Variants in ACYP1 observed in about 807,000 individuals in gnomAD.
ACYP1 encodes acylphosphatase-1.
ACYP1 carries 8 observed loss-of-function variants against 10.4 expected under a neutral mutation model. The ratio of observed to expected loss-of-function variants is 0.77; its 90% CI spans 0.45 to 1.38. ACYP1 has a LOEUF of 1.38. Among genes scored for constraint, ACYP1 ranks in the 40% most tolerant of loss-of-function variants. The pLI is 0.00. For synonymous variants in ACYP1, 38 were observed against 40.8 expected, an observed-to-expected ratio of 0.93 and a Z score of 0.26; for missense variants, 93 against 117.3, an observed-to-expected ratio of 0.79 and a Z score of 0.96.
At chr14:75,060,300 C>T in intron 2 of ACYP1, 1 of 670,130 alleles carries the variant, frequency 1.5e-6, no homozygotes, top group Non-Finnish European at 2.7e-6. Context: ...AATATTACCT[C>T]ATACCCACTA....
In ACYP1 at chr14:75,063,524, C is replaced by A. The variant is rs1222638432; in HGVS notation, c.30G>T (p.Val10=). The A allele has an allele frequency of 6.2e-7, 1 of 1,613,676 alleles. No homozygotes were observed. The highest frequency in any genetic ancestry group is 8.5e-7 in the Non-Finnish European group (1 of 1,179,886). ...GCACCTTCCCAAAAATTTCATAATC[C>A]ACTGATATCAGGGTGTTTCCTTCTG... is the stretch of plus-strand genomic sequence containing the variant. MAEGNTLIS[V]DYEIFGKVQG... The change falls in exon 2 of 3, where the codon GTG becomes GTT. Residue 10 remains valine (V), a synonymous_variant. Transcript: ENST00000238618.
upstream of ACYP1, among the ~76,000 whole-genome samples, chr14:75,067,543 G>T (rs1243380943): frequency 6.6e-6 from 1 of 152,204 alleles, no homozygotes; most frequent in African/African-American, 2.4e-5. Flanking sequence ...CAAATGTGGA[G>T]ATTTCCATTA....
At chr14:75,065,697 A>T (rs1332580062), upstream of ACYP1, among the ~76,000 whole-genome samples, 2 of 152,104 alleles carry the variant, frequency 1.3e-5, no homozygotes, top group African/African-American at 4.8e-5. Context: ...ATTTAATTCC[A>T]TGAAAATCCA....
chr14:75,062,544 G>A (rs961153639), intron 2 of ACYP1, among the ~76,000 whole-genome samples: 3 of 151,634 alleles, frequency 2.0e-5, no homozygotes, highest in African/African-American at 2.4e-5. Flanking sequence ...GGCCGGGTGC[G>A]GTGGCTCACA....
intron 2 of ACYP1, among the ~76,000 whole-genome samples, chr14:75,059,543 A>G (rs1475268380): frequency 2.0e-5 from 3 of 152,252 alleles, no homozygotes; most frequent in Non-Finnish European, 2.9e-5. Flanking sequence ...AAATATTTGT[A>G]TATCATACAT....
At chr14:75,063,906 G>A (rs1187273175) in intron 1 of ACYP1, 48 bp downstream of exon 1, 2 of 1,009,562 alleles carry the variant, frequency 2.0e-6, no homozygotes, top group East Asian at 1.8e-4. Context: ...TAACATTTTA[G>A]GGCTAATCGA....
At chr14:75,062,659 C>CAAAAAAAA (rs534860020) in intron 2 of ACYP1, among the ~76,000 whole-genome samples, 105 of 103,372 alleles carry the variant, frequency 1.0e-3, no homozygotes, top group African/African-American at 2.4e-3. Context: ...ACTAAAAATA[C>CAAAAAAAA]AAAAAAAAAA....
chr14:75,053,675 A>G lies in ACYP1; in HGVS notation c.85-16T>C. 1.2e-6 allele frequency: 2 copies of G among 1,606,502 alleles called. No individual in the cohort carries two copies. Among genetic ancestry groups the G allele is most frequent in the Non-Finnish European group, 1.7e-6 (2 of 1,173,280 alleles). ...TACCCTCAGCCTAAGGGGGGTAAAAAGAGAGAGAGATCCAGTGAGATTGAA... is the reference window on the plus strand; with the variant it reads ...TACCCTCAGCCTAAGGGGGGTAAAAGGAGAGAGAGATCCAGTGAGATTGAA... On this transcript the variant is annotated splice_polypyrimidine_tract_variant and intron_variant, in intron 2 of 2. Coordinates refer to ENST00000238618, the MANE Select transcript of ACYP1 (RefSeq NM_001107.5).
upstream of ACYP1, among the ~76,000 whole-genome samples, chr14:75,066,384 G>T (rs1594798168): frequency 1.2e-3 from 1 of 836 alleles, no homozygotes; most frequent in Non-Finnish European, 0.1. Context: ...TAATAAAGCT[G>T]GGGGGGGGTG....
At chr14:75,055,446 G>C in intron 2 of ACYP1, among the ~76,000 whole-genome samples, 1 of 150,956 alleles carries the variant, frequency 6.6e-6, no homozygotes, top group East Asian at 1.9e-4. Flanking sequence ...GTTGAGAATG[G>C]GCGTTTCCTA....
chr14:75,062,728 T>C (rs1042051366), intron 2 of ACYP1, among the ~76,000 whole-genome samples: 4 of 150,400 alleles, frequency 2.7e-5, no homozygotes, highest in Non-Finnish European at 5.9e-5. Context: ...AGCGACACAC[T>C]GGGAAGGCAA....
rs76995780 is a variant in ACYP1 at position 75,069,476 on chromosome 14, G to T, written c.-185C>A. 1.4e-4 allele frequency: 68 copies of T among 502,532 alleles called. 1 individual carries two copies. Among genetic ancestry groups the T allele is most frequent in the African/African-American group, 1.1e-3 (56 of 49,098 alleles). The allele number at this position is 502,532 out of a possible 1,614,324, so 31.1% of individuals were successfully genotyped here. On this transcript the variant is annotated 5_prime_UTR_variant, in exon 1 of 3. Transcript: ENST00000555463. Reference sequence around the variant, plus strand: ...CAGGGCTGGACCGAGCTGCAGAGTTGGCCGGACACTGACTGGGTCAAGTGA... The same window carrying T: ...CAGGGCTGGACCGAGCTGCAGAGTTTGCCGGACACTGACTGGGTCAAGTGA...
chr14:75,069,465 G>A (rs1028278466), exon 1 of ACYP1: 22 of 529,262 alleles, frequency 4.2e-5, no homozygotes, highest in Non-Finnish European at 6.4e-5. Context: ...GCTGGACCGA[G>A]CTGCAGAGTT....
chr14:75,059,176 TAAAAAAA>T (rs71119344), intron 2 of ACYP1, among the ~76,000 whole-genome samples: 3 of 97,374 alleles, frequency 3.1e-5, no homozygotes, highest in Non-Finnish European at 5.7e-5. Context: ...GACTCTGTCT[TAAAAAAA>T]AAAAAAAAAA....
upstream of ACYP1, chr14:75,064,121 C>A (rs112014141): frequency 1.2e-6 from 1 of 807,112 alleles, no homozygotes; most frequent in Non-Finnish European, 1.5e-6. Flanking sequence ...CGCCTCGGCC[C>A]GGGCCCGCCC....
Position 75,063,525 on chromosome 14 carries a change from A to C in ACYP1, c.29T>G (p.Val10Gly). 6.2e-7 allele frequency: 1 copy of C among 1,613,692 alleles called. No individual in the cohort carries two copies. Among genetic ancestry groups the C allele is most frequent in the Middle Eastern group, 1.6e-4 (1 of 6,062 alleles). The part of the protein sequence containing the change: MAEGNTLIS[V>G]DYEIFGKVQG... ...CACCTTCCCAAAAATTTCATAATCC[A>C]CTGATATCAGGGTGTTTCCTTCTGC... Residue 10 changes from valine to glycine, a missense_variant, in exon 2 of 3, where the codon GTG (valine) becomes GGG (glycine). Val to Gly is a moderately radical substitution (Grantham distance 109, BLOSUM62 -3). Transcript: ENST00000238618.
chr14:75,064,969 G>A (rs1357901403), upstream of ACYP1, among the ~76,000 whole-genome samples: 1 of 152,126 alleles, frequency 6.6e-6, no homozygotes, highest in Non-Finnish European at 1.5e-5. Flanking sequence ...AATAATGCTT[G>A]AACAAATAAC....
Position 75,063,573 on chromosome 14 carries a change from C to T in ACYP1, c.-8-12G>A. ...TGCCATGCTCAAACCTGTCAGAAAC[C>T]AGGAAAGCAGAAGAGTGAAGGGCTA... On this transcript the variant is annotated splice_polypyrimidine_tract_variant and intron_variant, in intron 1 of 2. Coordinates refer to ENST00000238618, the MANE Select transcript of ACYP1 (RefSeq NM_001107.5). 6.2e-7 allele frequency: 1 copy of T among 1,609,358 alleles called. No homozygotes were observed.
intron 2 of ACYP1, among the ~76,000 whole-genome samples, chr14:75,058,533 A>T (rs1274002707): frequency 1.3e-5 from 2 of 151,258 alleles, no homozygotes; most frequent in African/African-American, 4.9e-5. Context: ...CCCCAGGAAG[A>T]GCATTAATCT....
Sources: allele counts gnomAD v4.1 joint callset (sites outside exome capture counted in the v4.1 genomes callset), GRCh38; gene constraint gnomAD v4.1.1; transcripts MANE v1.5; gene names NCBI Gene and HGNC (gene_info 2026-07-23, HGNC 2026-07-21).